Variants in ADAMTS17 observed in about 807,000 individuals in gnomAD.
ADAMTS17 encodes the protein A disintegrin and metalloproteinase with thrombospondin motifs 17.
In ADAMTS17, 113 loss-of-function variants were observed where a neutral mutation model predicts 141.5. The observed-to-expected ratio is 0.80, with a 90% confidence interval of 0.69 to 0.93. The LOEUF (loss-of-function observed/expected upper bound fraction) is 0.93. Among genes scored for constraint, ADAMTS17 ranks in the 40% least tolerant of loss-of-function variants. The pLI is 0.00. For synonymous variants in ADAMTS17, 768 were observed against 630.6 expected (o/e 1.22, Z -3.27); for missense variants, 1,659 against 1,517.9 (o/e 1.09, Z -1.54).
At chr15:100,072,121 CAGAG>C (rs1312020144) in intron 15 of ADAMTS17, among the ~76,000 whole-genome samples, 4 of 150,164 alleles carry the variant, frequency 2.7e-5, no homozygotes, top group African/African-American at 9.8e-5. Context: ...AACAGATAAA[CAGAG>C]AGCCAAATCA....
chr15:100,074,618 T>A (rs1181422469), intron 15 of ADAMTS17, among the ~76,000 whole-genome samples: 2 of 150,830 alleles, frequency 1.3e-5, no homozygotes, highest in Admixed American at 1.3e-4. Context: ...GCTGCTGAAT[T>A]GTTTGCTAAT....
chr15:100,041,802 G>C (rs114008583), intron 18 of ADAMTS17, among the ~76,000 whole-genome samples: 1,889 of 152,286 alleles, frequency 0.012, 40 homozygotes, highest in African/African-American at 0.042. Flanking sequence ...ATGGTGTGCA[G>C]TTGGGAAGGC....
intron 3 of ADAMTS17, among the ~76,000 whole-genome samples, chr15:100,289,402 G>C (rs2044552683): frequency 6.6e-6 from 1 of 152,126 alleles, no homozygotes; most frequent in Admixed American, 6.5e-5. Context: ...GATTCTACCA[G>C]ATGTATAAAG....
chr15:100,278,950 C>T (rs547362694), intron 4 of ADAMTS17, among the ~76,000 whole-genome samples: 2 of 152,280 alleles, frequency 1.3e-5, no homozygotes, highest in Admixed American at 6.5e-5. Context: ...GGGATCCCAT[C>T]CCCACAAGGG....
intron 15 of ADAMTS17, among the ~76,000 whole-genome samples, chr15:100,054,691 G>A (rs2032421653): frequency 6.6e-6 from 1 of 152,204 alleles, no homozygotes; most frequent in African/African-American, 2.4e-5. Flanking sequence ...CTGTGGACGA[G>A]CAGTGGTTGG....
chr15:100,051,418 G>T, intron 17 of ADAMTS17, 154 bp downstream of exon 17: 1 of 1,155,206 alleles, frequency 8.7e-7, no homozygotes, highest in South Asian at 1.3e-5. Context: ...CTCTGTCCAA[G>T]TATTCTGCAG....
intron 18 of ADAMTS17, among the ~76,000 whole-genome samples, chr15:100,036,679 T>A (rs1199822159): frequency 6.6e-6 from 1 of 152,216 alleles, no homozygotes; most frequent in Non-Finnish European, 1.5e-5. Flanking sequence ...CAATCTAGGA[T>A]CTTTTTATTA....
At chr15:100,109,209 G>T in intron 13 of ADAMTS17, 93 bp from the exon 14 acceptor site, 3 of 1,535,544 alleles carry the variant, frequency 2.0e-6, no homozygotes, top group Non-Finnish European at 2.6e-6. Flanking sequence ...AAACCCTGAG[G>T]AAGAGAGGTC....
chr15:100,158,186 T>C lies in ADAMTS17; in HGVS notation c.1182-2866A>G, dbSNP rs534431136. Among the ~76,000 whole-genome samples the C allele has an allele frequency of 3.3e-5, 5 of 152,262 alleles. No homozygotes were observed. The East Asian group carries it at 9.7e-4, about 29-fold the overall frequency. ...ACAGGCGTCAGCCACTGCTTAATGGTCACTTTGTTGAATAAAGTGAGTTCT... is the reference window on the plus strand; with the variant it reads ...ACAGGCGTCAGCCACTGCTTAATGGCCACTTTGTTGAATAAAGTGAGTTCT... On this transcript the variant is annotated intron_variant, in intron 8 of 21. Transcript: ENST00000268070.
chr15:100,329,277 G>A (rs1318976851), intron 3 of ADAMTS17, among the ~76,000 whole-genome samples: 3 of 152,152 alleles, frequency 2.0e-5, no homozygotes, highest in African/African-American at 7.2e-5. Flanking sequence ...AGTGGCTCAT[G>A]CCTATAATCC....
At chr15:100,054,096 G>A (rs2032363919) in intron 15 of ADAMTS17, 42 bp from the exon 16 acceptor site, 2 of 1,612,030 alleles carry the variant, frequency 1.2e-6, no homozygotes, top group Non-Finnish European at 1.7e-6. Flanking sequence ...GGGGCTGGGG[G>A]TAGGGGGATC....
intron 13 of ADAMTS17, among the ~76,000 whole-genome samples, chr15:100,110,215 ATATTTT>A (rs2036675580): frequency 7.4e-6 from 1 of 135,354 alleles, no homozygotes; most frequent in South Asian, 2.3e-4. Flanking sequence ...CAGTATATAT[ATATTTT>A]TATATATTTA....
chr15:100,046,480 T>C (rs1272205015), intron 18 of ADAMTS17, among the ~76,000 whole-genome samples: 2 of 152,168 alleles, frequency 1.3e-5, no homozygotes, highest in Non-Finnish European at 2.9e-5. Context: ...AAGACTTGGG[T>C]ATAAAATAGC....
At chr15:100,062,536 T>C (rs1381514770) in intron 15 of ADAMTS17, among the ~76,000 whole-genome samples, 1 of 152,214 alleles carries the variant, frequency 6.6e-6, no homozygotes, top group East Asian at 1.9e-4. Flanking sequence ...TCATTAGACT[T>C]TGAGTCTCTC....
intron 20 of ADAMTS17, 136 bp downstream of exon 20, chr15:99,992,912 G>T (rs768927901): frequency 1.8e-6 from 2 of 1,117,308 alleles, no homozygotes; most frequent in South Asian, 1.4e-5. Context: ...AGTTGCAGCG[G>T]GTGGAAGGAA....
At chr15:100,049,927 G>C (rs1352638831) in intron 17 of ADAMTS17, among the ~76,000 whole-genome samples, 1 of 152,196 alleles carries the variant, frequency 6.6e-6, no homozygotes, top group African/African-American at 2.4e-5. Context: ...CTGGCAGGTG[G>C]CTAACACTTC....
intron 10 of ADAMTS17, among the ~76,000 whole-genome samples, 194 bp from the exon 11 acceptor site, chr15:100,133,509 T>C (rs1406939237): frequency 1.3e-5 from 2 of 152,122 alleles, no homozygotes; most frequent in East Asian, 1.9e-4. Flanking sequence ...TCAACAAAAT[T>C]CTGTGCATCT....
intron 7 of ADAMTS17, among the ~76,000 whole-genome samples, chr15:100,244,355 G>A (rs1161518229): frequency 7.6e-5 from 11 of 144,742 alleles, no homozygotes; most frequent in African/African-American, 2.8e-4. Flanking sequence ...AGATTCGAAT[G>A]CAGGTTTAAC....
intron 16 of ADAMTS17, among the ~76,000 whole-genome samples, chr15:100,053,048 G>A (rs377032267): frequency 3.9e-5 from 6 of 152,154 alleles, no homozygotes; most frequent in African/African-American, 1.2e-4. Context: ...ACAAATTAAC[G>A]GGGAAGAAGA....
Sources: gnomAD v4.1 joint callset for allele counts (sites outside exome capture counted in the v4.1 genomes callset) on GRCh38, gnomAD v4.1.1 for gene constraint, MANE v1.5 for transcripts, NCBI Gene and HGNC (gene_info 2026-07-23, HGNC 2026-07-21) for gene names.